Variants in LRFN2 observed in about 807,000 individuals in gnomAD.
The protein encoded by LRFN2 is leucine-rich repeat and fibronectin type-III domain-containing protein 2.
LRFN2 carries 18 observed loss-of-function variants against 37.3 expected under a neutral mutation model. The observed-to-expected ratio is 0.48, with a 90% CI of 0.33 to 0.72. LRFN2 has a LOEUF of 0.72. LRFN2 is among the 30% of genes least tolerant of loss of function. The pLI is 0.02. For missense variants in LRFN2, 1,006 were observed against 1,060.7 expected (o/e 0.95, Z 0.72); for synonymous variants, 556 against 466.6 (o/e 1.19, Z -2.47).
intron 1 of LRFN2, among the ~76,000 whole-genome samples, chr6:40,554,685 T>TG (rs1396639879): frequency 1.3e-5 from 2 of 152,204 alleles, no homozygotes; most frequent in African/African-American, 4.8e-5. Context: ...CTTGTACAGA[T>TG]GGGTGAACTG....
intron 1 of LRFN2, among the ~76,000 whole-genome samples, chr6:40,456,346 G>T (rs1764234705): frequency 6.6e-6 from 1 of 152,246 alleles, no homozygotes; most frequent in Non-Finnish European, 1.5e-5. Context: ...TAACTGCTTA[G>T]AAAGCCAGAG....
chr6:40,560,229 AC>A lies in LRFN2; in HGVS notation c.-19+26711del, dbSNP rs537573270. Among the ~76,000 whole-genome samples the A allele has an allele frequency of 1.1e-4, 16 of 152,306 alleles. No individual in the cohort carries two copies. The East Asian group carries it at 2.5e-3, about 24-fold the overall frequency. On this transcript the variant is annotated intron_variant, in intron 1 of 2. Transcript: ENST00000338305. ...CTCTGACTGAGCCCACAAGCCACCA[AC>A]GCCTGCACCCATCAGGGACAGCGCT...
At chr6:40,399,617 G>A (rs1008329866) in intron 2 of LRFN2, among the ~76,000 whole-genome samples, 1 of 150,816 alleles carries the variant, frequency 6.6e-6, no homozygotes, top group Non-Finnish European at 1.5e-5. Flanking sequence ...TTTTGTATTT[G>A]AGTAGAGGCG....
At chr6:40,459,254 T>C (rs1302171614) in intron 1 of LRFN2, among the ~76,000 whole-genome samples, 1 of 152,162 alleles carries the variant, frequency 6.6e-6, no homozygotes, top group Non-Finnish European at 1.5e-5. Context: ...AATTGTTTCT[T>C]TACCTTGGCC....
At chr6:40,414,485 C>T (rs779555367) in intron 2 of LRFN2, among the ~76,000 whole-genome samples, 52 of 152,280 alleles carry the variant, frequency 3.4e-4, no homozygotes, top group Admixed American at 6.5e-4. Context: ...TAGAACAGTA[C>T]GTGGCATGGA....
intron 1 of LRFN2, among the ~76,000 whole-genome samples, chr6:40,530,683 C>T (rs1766327195): frequency 6.6e-6 from 1 of 152,030 alleles, no homozygotes; most frequent in African/African-American, 2.4e-5. Flanking sequence ...CCACACTCCA[C>T]GTGGGGGACC....
At chr6:40,472,482 T>C (rs906154104) in intron 1 of LRFN2, among the ~76,000 whole-genome samples, 1 of 152,240 alleles carries the variant, frequency 6.6e-6, no homozygotes, top group Admixed American at 6.5e-5. Flanking sequence ...GAAGCTGCTT[T>C]GGGCATTTTC....
chr6:40,567,965 C>A (rs1274466788), intron 1 of LRFN2, among the ~76,000 whole-genome samples: 2 of 152,198 alleles, frequency 1.3e-5, no homozygotes, highest in African/African-American at 4.8e-5. Flanking sequence ...AACTGGAATG[C>A]CCAAACTAAT....
intron 1 of LRFN2, among the ~76,000 whole-genome samples, chr6:40,577,104 CTT>C (rs1767297044): frequency 2.5e-5 from 1 of 39,896 alleles, no homozygotes; most frequent in Non-Finnish European, 5.5e-5. Flanking sequence ...TTTTCTTTTC[CTT>C]TCTTTTCTTT....
intron 1 of LRFN2, among the ~76,000 whole-genome samples, chr6:40,435,759 C>T (rs550813539): frequency 8.5e-5 from 13 of 152,224 alleles, no homozygotes; most frequent in South Asian, 2.1e-4. Context: ...AAGATGGTCT[C>T]GATCTCCTGA....
intron 1 of LRFN2, among the ~76,000 whole-genome samples, chr6:40,564,641 C>T (rs1013631574): frequency 2.0e-5 from 3 of 152,166 alleles, no homozygotes; most frequent in Non-Finnish European, 4.4e-5. Context: ...TCTTAATACA[C>T]CCACTCTCAC....
chr6:40,406,509 T>A (rs1319968803), intron 2 of LRFN2, among the ~76,000 whole-genome samples: 2 of 152,130 alleles, frequency 1.3e-5, no homozygotes, highest in Non-Finnish European at 2.9e-5. Flanking sequence ...CATGCACAGA[T>A]CCTAGGAACT....
intron 1 of LRFN2, among the ~76,000 whole-genome samples, chr6:40,486,661 A>C (rs1014019818): frequency 2.7e-4 from 41 of 152,082 alleles, no homozygotes; most frequent in African/African-American, 9.7e-4. Context: ...AATCATCTGG[A>C]AAAGGGATTT....
At chr6:40,414,781 A>T (rs1186907282) in intron 2 of LRFN2, among the ~76,000 whole-genome samples, 1 of 152,238 alleles carries the variant, frequency 6.6e-6, no homozygotes, top group African/African-American at 2.4e-5. Context: ...GGATGACTTC[A>T]GTTATAAACC....
Position 40,392,801 on chromosome 6 carries a change from G to T in LRFN2, c.1512C>A (p.Ala504=). The T allele has an allele frequency of 6.2e-7, 1 of 1,614,122 alleles. No individual in the cohort carries two copies. The highest frequency in any genetic ancestry group is 1.1e-5 in the South Asian group (1 of 91,064). ...MWDDTATTLT[A]TNIVGCAQFF... Reference sequence around the variant, plus strand: ...ACTGGGCGCAGCCCACGATGTTGGTGGCCGTGAGTGTCGTGGCTGTGTCAT... The same window carrying T: ...ACTGGGCGCAGCCCACGATGTTGGTTGCCGTGAGTGTCGTGGCTGTGTCAT... The change falls in exon 3 of 3, where the codon GCC becomes GCA. Residue 504 remains alanine, a synonymous_variant. Transcript: ENST00000338305. This position sits in a 1 kb window ranked among gnomAD's most constrained non-coding sequence, Gnocchi z 4.7.
intron 1 of LRFN2, among the ~76,000 whole-genome samples, chr6:40,542,222 A>T (rs1477823839): frequency 6.6e-6 from 1 of 152,146 alleles, no homozygotes; most frequent in Non-Finnish European, 1.5e-5. Flanking sequence ...GGGAAGCCTC[A>T]CACACCCTGC....
chr6:40,540,608 G>C (rs1160157277), intron 1 of LRFN2, among the ~76,000 whole-genome samples: 1 of 152,172 alleles, frequency 6.6e-6, no homozygotes, highest in Non-Finnish European at 1.5e-5. Context: ...GCCCTGAGGG[G>C]CTGCCAACTG....
At chr6:40,419,270 G>A (rs972430989) in intron 2 of LRFN2, among the ~76,000 whole-genome samples, 3 of 152,204 alleles carry the variant, frequency 2.0e-5, no homozygotes, top group African/African-American at 7.2e-5. Flanking sequence ...TTTGGGCTTG[G>A]CCATGTAACT....
chr6:40,454,607 C>T (rs1561862751), intron 1 of LRFN2, among the ~76,000 whole-genome samples: 2 of 152,140 alleles, frequency 1.3e-5, no homozygotes, highest in East Asian at 3.9e-4. Context: ...TTCTCCCCTA[C>T]CTAGGCCCTC....
Sources: allele counts gnomAD v4.1 joint callset (sites outside exome capture counted in the v4.1 genomes callset), GRCh38; gene constraint gnomAD v4.1.1; non-coding constraint Gnocchi (gnomAD v3.1); transcripts MANE v1.5; gene names NCBI Gene and HGNC (gene_info 2026-07-23, HGNC 2026-07-21).